DISC1: variants seen among roughly 807,000 people sequenced by gnomAD.
The protein encoded by DISC1 is disrupted in schizophrenia 1 protein.
DISC1 carries 57 observed loss-of-function variants against 84.5 expected under a neutral mutation model. That is an observed-to-expected ratio of 0.67 (90% CI 0.55 to 0.84). The LOEUF (loss-of-function observed/expected upper bound fraction) is 0.84. Among genes scored for constraint, DISC1 ranks in the 40% least tolerant of loss-of-function variants. The pLI, the probability that DISC1 is intolerant of heterozygous loss-of-function variation, is 0.00. For missense variants in DISC1, 1,000 were observed against 1,057.8 expected (o/e 0.95, Z 0.76); for synonymous variants, 411 against 415.2 (o/e 0.99, Z 0.12).
chr1:231,811,895 G>C (rs1239128991), intron 8 of DISC1, among the ~76,000 whole-genome samples: 2 of 152,142 alleles, frequency 1.3e-5, no homozygotes, highest in Non-Finnish European at 2.9e-5. Context: ...TGGAAATCAA[G>C]GACAATCATT....
chr1:231,740,080 C>T (rs952381959), intron 3 of DISC1, among the ~76,000 whole-genome samples: 1 of 152,166 alleles, frequency 6.6e-6, no homozygotes, highest in African/African-American at 2.4e-5. Flanking sequence ...GAAAAAGCAG[C>T]TGCCTGAAAC....
chr1:231,713,138 T>C (rs980297687), intron 3 of DISC1, among the ~76,000 whole-genome samples: 2 of 152,146 alleles, frequency 1.3e-5, no homozygotes, highest in African/African-American at 4.8e-5. Flanking sequence ...TGGACTATTA[T>C]AGCCATCAAA....
chr1:231,799,538 T>C (rs2079021262), intron 7 of DISC1, among the ~76,000 whole-genome samples: 1 of 151,060 alleles, frequency 6.6e-6, no homozygotes, highest in Non-Finnish European at 1.5e-5. Context: ...CCAAGGGAGG[T>C]TGCTATTTTG....
chr1:232,026,273 A>C (rs534259214), intron 11 of DISC1, among the ~76,000 whole-genome samples, 162 bp from the exon 12 acceptor site: 1 of 152,312 alleles, frequency 6.6e-6, no homozygotes, highest in African/African-American at 2.4e-5. Flanking sequence ...ACTTGAAATC[A>C]GTTCACAACT....
chr1:231,670,138 T>G (rs1003215090), intron 1 of DISC1, among the ~76,000 whole-genome samples: 1 of 152,130 alleles, frequency 6.6e-6, no homozygotes, highest in African/African-American at 2.4e-5. Context: ...ATGTTCTCAC[T>G]TATAAGTGGG....
In DISC1 at chr1:231,719,954, C is replaced by T. The variant is rs193003326; in HGVS notation, c.1117+17930C>T. 2.0e-3 allele frequency among the ~76,000 whole-genome samples: 301 copies of T among 152,300 alleles called. 2 individuals are homozygous for T. The highest frequency in any genetic ancestry group is 3.4e-3 in the Admixed American group (52 of 15,298). On this transcript the variant is annotated intron_variant, in intron 3 of 12. Coordinates refer to ENST00000439617, the MANE Select transcript of DISC1 (RefSeq NM_018662.3). ...GATGACAGCGATGTAGCAGAAGGGA[C>T]AGTTTTCCACTTGACCTTTATACAA...
At chr1:231,881,750 TCAGTCAAAGTTTC>T (rs568636985) in intron 9 of DISC1, among the ~76,000 whole-genome samples, 39 of 121,150 alleles carry the variant, frequency 3.2e-4, no homozygotes, top group African/African-American at 1.1e-3. Context: ...ACTATGCCGA[TCAGTCAAAGTTTC>T]CAGAGCCAGT....
intron 10 of DISC1, among the ~76,000 whole-genome samples, chr1:231,998,983 T>C (rs1572563132): frequency 6.6e-6 from 1 of 152,112 alleles, no homozygotes; most frequent in East Asian, 1.9e-4. Context: ...ATGTAGAAAT[T>C]GAAAAGCTCA....
chr1:231,982,743 A>G (rs946401513), intron 10 of DISC1, among the ~76,000 whole-genome samples: 2 of 152,194 alleles, frequency 1.3e-5, no homozygotes, highest in African/African-American at 2.4e-5. Flanking sequence ...GCAGGCAGAA[A>G]AAAACAAATA....
intron 9 of DISC1, among the ~76,000 whole-genome samples, chr1:231,933,958 C>G (rs1314868338): frequency 6.6e-6 from 1 of 152,146 alleles, no homozygotes; most frequent in Admixed American, 6.5e-5. Context: ...ATTCCTGGTC[C>G]GGGCTCCAGC....
At chr1:231,805,748 G>A (rs1274015873) in intron 8 of DISC1, among the ~76,000 whole-genome samples, 1 of 152,124 alleles carries the variant, frequency 6.6e-6, no homozygotes, top group African/African-American at 2.4e-5. Context: ...CAGCACTGAG[G>A]ATTACATTGC....
At chr1:231,857,454 G>C (rs2084350534) in intron 9 of DISC1, among the ~76,000 whole-genome samples, 1 of 152,104 alleles carries the variant, frequency 6.6e-6, no homozygotes, top group Non-Finnish European at 1.5e-5. Context: ...GACGCCACTG[G>C]CCTGGGAATC....
intron 9 of DISC1, among the ~76,000 whole-genome samples, chr1:231,886,223 G>A (rs1448605027): frequency 6.6e-6 from 1 of 152,120 alleles, no homozygotes; most frequent in Non-Finnish European, 1.5e-5. Flanking sequence ...CATTAACTTT[G>A]GGGACACATT....
chr1:231,938,424 C>T (rs575729760), intron 9 of DISC1, among the ~76,000 whole-genome samples: 1 of 152,248 alleles, frequency 6.6e-6, no homozygotes, highest in Admixed American at 6.5e-5. Context: ...TGAGGCAGGG[C>T]AAGTGGGCAG....
intron 12 of DISC1, among the ~76,000 whole-genome samples, chr1:232,032,735 C>T (rs1214961696): frequency 6.6e-6 from 1 of 152,154 alleles, no homozygotes; most frequent in Non-Finnish European, 1.5e-5. Context: ...GTGCAGTTAG[C>T]ACCTCTATTC....
intron 1 of DISC1, among the ~76,000 whole-genome samples, chr1:231,662,873 AAAACT>A (rs2061674844): frequency 6.6e-6 from 1 of 152,238 alleles, no homozygotes; most frequent in South Asian, 2.1e-4. Context: ...AAACACAAAG[AAAACT>A]GGTCATGGAG....
intron 9 of DISC1, among the ~76,000 whole-genome samples, chr1:231,876,332 C>T (rs934302443): frequency 1.3e-5 from 2 of 152,308 alleles, no homozygotes; most frequent in African/African-American, 4.8e-5. Flanking sequence ...TTGCCTTCTG[C>T]CATGAATGTA....
intron 5 of DISC1, among the ~76,000 whole-genome samples, chr1:231,769,728 C>T (rs1410800734): frequency 6.6e-6 from 1 of 152,122 alleles, no homozygotes; most frequent in South Asian, 2.1e-4. Flanking sequence ...CTTAATGCCA[C>T]TGAACTCTAC....
intron 4 of DISC1, among the ~76,000 whole-genome samples, chr1:231,760,199 A>G (rs1409834394): frequency 2.6e-5 from 4 of 152,202 alleles, no homozygotes; most frequent in African/African-American, 4.8e-5. Flanking sequence ...GAAGAATTAT[A>G]AAGTTACCTG....
Sources: allele counts gnomAD v4.1 joint callset (sites outside exome capture counted in the v4.1 genomes callset), GRCh38; gene constraint gnomAD v4.1.1; transcripts MANE v1.5; gene names NCBI Gene and HGNC (gene_info 2026-07-23, HGNC 2026-07-21).